Variants in COL11A1 observed in about 807,000 individuals in gnomAD.
The protein encoded by COL11A1 is collagen alpha-1(XI) chain.
A neutral mutation model predicts 265.2 loss-of-function variants in COL11A1; 74 were observed. The observed-to-expected ratio is 0.28, with a 90% CI of 0.23 to 0.34. The LOEUF is 0.34. Ranked by LOEUF, COL11A1 falls within the 10% of genes least tolerant of loss-of-function variation. The pLI is 1.00. For synonymous variants in COL11A1, 816 were observed against 727.6 expected (o/e 1.12, Z -1.96); for missense variants, 2,165 against 2,263.6 (o/e 0.96, Z 0.88).
At chr1:102,978,799 T>G (rs1305288192) in intron 34 of COL11A1, 47 bp from the exon 35 acceptor site, 2 of 1,613,930 alleles carry the variant, frequency 1.2e-6, no homozygotes. Flanking sequence ...TTCTTTCTCA[T>G]AGCATCTGCC....
chr1:103,002,146 T>C (rs1665167029), intron 23 of COL11A1, among the ~76,000 whole-genome samples, 177 bp from the exon 24 acceptor site: 1 of 152,086 alleles, frequency 6.6e-6, no homozygotes, highest in South Asian at 2.1e-4. Context: ...CTGCTCTTTT[T>C]TGCAAAGGGA....
In COL11A1 at chr1:102,981,569, C is replaced by A. The variant is rs561975409; in HGVS notation, c.2557-2134G>T. On this transcript the variant is annotated intron_variant, in intron 31 of 66. Transcript: ENST00000370096. Reference sequence around the variant, plus strand: ...ATAGAAAACACAGAAAAATGACCAACCTACCCAATTAATCAGTTGAATATA... The same window carrying A: ...ATAGAAAACACAGAAAAATGACCAAACTACCCAATTAATCAGTTGAATATA... 6.4e-4 allele frequency among the ~76,000 whole-genome samples: 97 copies of A among 152,084 alleles called. 1 individual carries two copies. The Middle Eastern group carries it at 0.01, about 16-fold the overall frequency.
chr1:103,008,520 T>C lies in COL11A1; in HGVS notation c.1630-4A>G, dbSNP rs745811285. On this transcript the variant is annotated splice_region_variant and splice_polypyrimidine_tract_variant and intron_variant, in intron 14 of 66. Coordinates refer to ENST00000370096, the MANE Select transcript of COL11A1 (RefSeq NM_001854.4). ...CCCCAGATGAACCAGGCCCCCCCTATAGAGAAAAAGTGAAGATATTTCACT... is the reference window on the plus strand; with the variant it reads ...CCCCAGATGAACCAGGCCCCCCCTACAGAGAAAAAGTGAAGATATTTCACT... The C allele has an allele frequency of 1.5e-5, 25 of 1,613,298 alleles. No homozygotes were observed. In the African/African-American group the frequency reaches 2.8e-4, roughly 18 times the overall value.
At position 103,025,583 on chromosome 1, in the gene COL11A1, T is replaced by G. The variant is rs201305757; in HGVS notation, c.928A>C (p.Asn310His). The change falls in exon 7 of 67, where the codon AAC becomes CAC. Residue 310 changes from asparagine (N) to histidine (H), a missense_variant. Transcript: ENST00000370096. ...TGGTAACTTTCCATTGTTCCATAGT[T>G]GTATTCTTGAAAATCATCAACGATG... ...ANIVDDFQEY[N>H]YGTMESYQTE... The G allele has an allele frequency of 1.2e-6, 2 of 1,613,786 alleles. No homozygotes were observed. The highest frequency in any genetic ancestry group is 4.5e-5 in the East Asian group (2 of 44,806).
intron 57 of COL11A1, among the ~76,000 whole-genome samples, chr1:102,891,806 C>A (rs1161120866): frequency 1.3e-5 from 2 of 152,002 alleles, no homozygotes; most frequent in Non-Finnish European, 1.5e-5. Flanking sequence ...TCACTTGAAC[C>A]CATGAGTTTG....
intron 4 of COL11A1, among the ~76,000 whole-genome samples, chr1:103,047,243 G>C (rs948170037): frequency 6.6e-6 from 1 of 152,150 alleles, no homozygotes; most frequent in South Asian, 2.1e-4. Flanking sequence ...CCATGAGCAT[G>C]GAATGTTCTT....
intron 62 of COL11A1, 67 bp from the exon 63 acceptor site, chr1:102,887,123 A>C: frequency 1.3e-6 from 2 of 1,595,068 alleles, no homozygotes; most frequent in East Asian, 2.2e-5. Context: ...ATTAATTATT[A>C]CTGGTTATGT....
In COL11A1 at chr1:102,970,230, G is replaced by T. The variant is rs1001275411; in HGVS notation, c.2851C>A (p.Arg951Ser). The change falls in exon 37 of 67, where the codon CGT (arginine) becomes AGT (serine). Residue 951 changes from arginine to serine, a missense_variant. Transcript: ENST00000370096. ...ACAAGGTCACTTACAGTCTCCCCAC[G>T]TTGCCCAGGGTGTCCTGGCAGCCCA... ...KDGLPGHPGQ[R>S]GETGFQGKTG... is the part of the protein sequence containing the mutation. 1 of 1,611,986 alleles carries T rather than the reference G, an allele frequency of 6.2e-7. No individual in the cohort carries two copies. Among genetic ancestry groups the T allele is most frequent in the Non-Finnish European group, 8.5e-7 (1 of 1,178,746 alleles).
intron 1 of COL11A1, among the ~76,000 whole-genome samples, chr1:103,084,056 G>C (rs1672658366): frequency 6.6e-6 from 1 of 151,832 alleles, no homozygotes; most frequent in African/African-American, 2.4e-5. Flanking sequence ...AGTGGTTTTT[G>C]GTATATTGTA....
At chr1:103,011,398 G>C (rs143784993) in intron 14 of COL11A1, among the ~76,000 whole-genome samples, 13 of 151,940 alleles carry the variant, frequency 8.6e-5, no homozygotes, top group African/African-American at 2.9e-4. Context: ...ATGAAACATA[G>C]TATCAGAATA....
intron 4 of COL11A1, among the ~76,000 whole-genome samples, chr1:103,041,867 G>GAAAAAAAAAAA (rs1207978566): frequency 6.6e-6 from 1 of 151,768 alleles, no homozygotes; most frequent in Non-Finnish European, 1.5e-5. Context: ...GTATATTTTG[G>GAAAAAAAAAAA]AAAAACTGTA....
At chr1:102,969,551 A>G (rs1179014001) in intron 37 of COL11A1, among the ~76,000 whole-genome samples, 2 of 152,224 alleles carry the variant, frequency 1.3e-5, no homozygotes, top group African/African-American at 4.8e-5. Context: ...CAAAATAAAT[A>G]AACTCACCAG....
intron 1 of COL11A1, among the ~76,000 whole-genome samples, chr1:103,102,251 G>T (rs72987888): frequency 0.064 from 9,753 of 151,990 alleles, 1,084 homozygotes; most frequent in African/African-American, 0.22. Flanking sequence ...AATACCTTTA[G>T]GTTTTGAATT....
At chr1:103,011,101 A>G (rs1429860221) in intron 14 of COL11A1, among the ~76,000 whole-genome samples, 2 of 152,166 alleles carry the variant, frequency 1.3e-5, no homozygotes, top group Non-Finnish European at 2.9e-5. Flanking sequence ...GCTGGTTCCA[A>G]TCCTGAATCT....
chr1:102,916,104 C>T (rs1409707429), intron 49 of COL11A1, among the ~76,000 whole-genome samples: 2 of 152,154 alleles, frequency 1.3e-5, no homozygotes, highest in Admixed American at 6.5e-5. Flanking sequence ...AACAAATCAA[C>T]AGATGACTTG....
At chr1:103,008,145 CTTTGGGAAAAAAT>C (rs1378280044) in intron 15 of COL11A1, among the ~76,000 whole-genome samples, 1 of 152,054 alleles carries the variant, frequency 6.6e-6, no homozygotes, top group Non-Finnish European at 1.5e-5. Flanking sequence ...AGTTCACAAA[CTTTGGGAAAAAAT>C]AAACTCTCTA....
intron 35 of COL11A1, among the ~76,000 whole-genome samples, chr1:102,975,265 T>G (rs530885268): frequency 7.3e-6 from 1 of 136,316 alleles, no homozygotes; most frequent in Admixed American, 7.4e-5. Context: ...CAGCCCCGCT[T>G]AAAAAAAAAA....
In COL11A1 at chr1:103,074,782, T is replaced by TA. The variant is rs1671845303; in HGVS notation, c.489-3dup. ...ACGCTGATTGCTACCCGATGCCACCTAAAAAAGACAAGTAATTCTTTTGTA... is the reference window on the plus strand; with the variant it reads ...ACGCTGATTGCTACCCGATGCCACCTAAAAAAAGACAAGTAATTCTTTTGTA... On this transcript the variant is annotated splice_polypyrimidine_tract_variant and splice_region_variant and intron_variant, in intron 3 of 66. Transcript: ENST00000370096. The TA allele has an allele frequency of 3.7e-6, 6 of 1,612,894 alleles. No homozygotes were observed. The Admixed American group carries it at 6.7e-5, about 18-fold the overall frequency.
At chr1:102,920,886 A>G (rs1055921565) in intron 48 of COL11A1, among the ~76,000 whole-genome samples, 2 of 152,202 alleles carry the variant, frequency 1.3e-5, no homozygotes, top group Non-Finnish European at 2.9e-5. Flanking sequence ...GAAAATGAAG[A>G]CCAGAGACAT....
Sources: gnomAD v4.1 joint callset for allele counts (sites outside exome capture counted in the v4.1 genomes callset) on GRCh38, gnomAD v4.1.1 for gene constraint, MANE v1.5 for transcripts, NCBI Gene and HGNC (gene_info 2026-07-23, HGNC 2026-07-21) for gene names.